Variants in TENM2 observed in about 807,000 individuals in gnomAD.
TENM2 encodes the protein teneurin-2.
TENM2 carries 52 observed loss-of-function variants against 245.2 expected under a neutral mutation model. The observed-to-expected ratio is 0.21, with a 90% CI of 0.17 to 0.27. TENM2 has a LOEUF of 0.27. Among genes scored for constraint, TENM2 ranks in the 10% least tolerant of loss-of-function variants. TENM2 has a pLI of 1.00. For missense variants in TENM2, 3,046 were observed against 3,666.8 expected, an observed-to-expected ratio of 0.83 and a Z score of 4.37; for synonymous variants, 1,363 against 1,438.9, an observed-to-expected ratio of 0.95 and a Z score of 1.19.
the TENM2 span, among the ~76,000 whole-genome samples, chr5:167,202,479 C>T: frequency 6.6e-6 from 1 of 152,304 alleles, no homozygotes; most frequent in East Asian, 1.9e-4. Flanking sequence ...TTACTTCTCT[C>T]TCCATGAAAA....
At chr5:168,130,096 A>G (rs1427921293) in intron 12 of TENM2, 1 of 152,220 alleles carries the variant, frequency 6.6e-6, no homozygotes, top group Non-Finnish European at 1.5e-5. Context: ...AAAGGATCAA[A>G]AAGAGAAATG....
intron 5 of TENM2, among the ~76,000 whole-genome samples, chr5:167,996,911 G>T (rs1426197077): frequency 6.6e-6 from 1 of 151,844 alleles, no homozygotes; most frequent in Non-Finnish European, 1.5e-5. Context: ...GCTAATTTTT[G>T]TGTTTTTAGT....
chr5:167,796,353 A>G (rs1765314923), intron 2 of TENM2, among the ~76,000 whole-genome samples: 1 of 152,072 alleles, frequency 6.6e-6, no homozygotes, highest in Admixed American at 6.5e-5. Flanking sequence ...CTTTAACTCA[A>G]TCTTCTCTCC....
chr5:167,317,186 T>C (rs931005470), intron 1 of TENM2, among the ~76,000 whole-genome samples: 1 of 152,212 alleles, frequency 6.6e-6, no homozygotes, highest in Non-Finnish European at 1.5e-5. Flanking sequence ...CAGTCAATAA[T>C]GCAACTAGAA....
intron 3 of TENM2, among the ~76,000 whole-genome samples, chr5:167,907,751 T>A (rs964559813): frequency 6.6e-6 from 1 of 150,832 alleles, no homozygotes; most frequent in African/African-American, 2.4e-5. Context: ...ATAAATAAAT[T>A]ATAAAATATA....
chr5:167,452,948 T>TATATATATATATATATATATTTTTTAA (rs10627779), intron 2 of TENM2, among the ~76,000 whole-genome samples: 5 of 47,530 alleles, frequency 1.1e-4, no homozygotes, highest in East Asian at 6.8e-4. Context: ...TATATATATA[T>TATATATATATATATATATATTTTTTAA]ATATATATAT....
At chr5:167,464,698 C>T (rs897330448) in intron 2 of TENM2, among the ~76,000 whole-genome samples, 21 of 152,078 alleles carry the variant, frequency 1.4e-4, no homozygotes, top group African/African-American at 4.6e-4. Context: ...AAATTAAAGA[C>T]AGAACCCTGG....
chr5:168,240,168 C>T (rs889988088), intron 25 of TENM2, among the ~76,000 whole-genome samples: 7 of 152,144 alleles, frequency 4.6e-5, no homozygotes, highest in Admixed American at 2.0e-4. Flanking sequence ...TGCAGTGAGC[C>T]GAGATCGTGC....
chr5:167,526,944 G>C (rs189037994), intron 2 of TENM2, among the ~76,000 whole-genome samples: 7 of 152,130 alleles, frequency 4.6e-5, no homozygotes, highest in Admixed American at 4.6e-4. Context: ...ACCCTTATCT[G>C]ACCCACAATA....
chr5:167,410,537 C>T (rs750172764), intron 2 of TENM2, among the ~76,000 whole-genome samples: 33 of 135,510 alleles, frequency 2.4e-4, no homozygotes, highest in Admixed American at 5.5e-4. Context: ...AATTCAGCTT[C>T]TGTGTCTTAC....
At chr5:167,212,761 G>T in the TENM2 span, among the ~76,000 whole-genome samples, 1 of 152,164 alleles carries the variant, frequency 6.6e-6, no homozygotes, top group Non-Finnish European at 1.5e-5. Context: ...AGAAGAATTA[G>T]ATCAATATTT....
the TENM2 span, among the ~76,000 whole-genome samples, chr5:166,992,870 C>A: frequency 6.6e-6 from 1 of 152,164 alleles, no homozygotes; most frequent in East Asian, 1.9e-4. Flanking sequence ...AATATGCCGC[C>A]ACCTTAACCA....
At chr5:167,276,352 TTGTGTGTG>T in the TENM2 span, among the ~76,000 whole-genome samples, 5 of 34,196 alleles carry the variant, frequency 1.5e-4, no homozygotes, top group South Asian at 1.1e-3. Context: ...CCTGTTCATT[TTGTGTGTG>T]TGTGTGTGTG....
chr5:167,639,116 G>A (rs1779396212), intron 2 of TENM2, among the ~76,000 whole-genome samples: 2 of 152,154 alleles, frequency 1.3e-5, no homozygotes, highest in South Asian at 4.1e-4. Flanking sequence ...ACACTCTAAT[G>A]AGTTTGTTAG....
intron 2 of TENM2, among the ~76,000 whole-genome samples, chr5:167,588,689 A>G (rs1775671967): frequency 6.6e-6 from 1 of 152,246 alleles, no homozygotes; most frequent in Non-Finnish European, 1.5e-5. Flanking sequence ...AACAGCACAT[A>G]TACAAAAGAC....
chr5:168,052,168 A>T (rs1460449434), intron 6 of TENM2, among the ~76,000 whole-genome samples: 1 of 152,038 alleles, frequency 6.6e-6, no homozygotes, highest in African/African-American at 2.4e-5. Flanking sequence ...GAAGCCGATC[A>T]CGAGCTCAGG....
the TENM2 span, among the ~76,000 whole-genome samples, chr5:167,264,118 A>G: frequency 1.3e-5 from 2 of 152,054 alleles, no homozygotes; most frequent in Non-Finnish European, 2.9e-5. Context: ...AAAAAAAAAA[A>G]AAAAAATTCC....
At chr5:167,816,186 T>C (rs1767042346) in intron 2 of TENM2, among the ~76,000 whole-genome samples, 1 of 152,108 alleles carries the variant, frequency 6.6e-6, no homozygotes. Context: ...AAGACACCTG[T>C]TTCCGGAACA....
At chr5:167,981,131 C>T (rs914947609) in intron 4 of TENM2, among the ~76,000 whole-genome samples, 1 of 152,208 alleles carries the variant, frequency 6.6e-6, no homozygotes, top group Non-Finnish European at 1.5e-5. Context: ...AACAACTCAG[C>T]AGAGCCATCC....
Sources: gnomAD v4.1 joint callset for allele counts (sites outside exome capture counted in the v4.1 genomes callset) on GRCh38, gnomAD v4.1.1 for gene constraint, MANE v1.5 for transcripts, NCBI Gene and HGNC (gene_info 2026-07-23, HGNC 2026-07-21) for gene names.